XYLT1: variants seen among roughly 807,000 people sequenced by gnomAD.
The protein encoded by XYLT1 is xylosyltransferase 1.
In XYLT1, 36 loss-of-function variants were observed where a neutral mutation model predicts 91.3. That is an observed-to-expected ratio of 0.39 (90% CI 0.30 to 0.52). The LOEUF (loss-of-function observed/expected upper bound fraction) is 0.52, where lower values mean the gene tolerates loss of function less well. Ranked by LOEUF, XYLT1 falls within the 20% of genes least tolerant of loss-of-function variation. XYLT1 has a pLI of 0.68. For synonymous variants in XYLT1, 588 were observed against 532.0 expected (o/e 1.11, Z -1.45); for missense variants, 1,242 against 1,284.5 (o/e 0.97, Z 0.51).
intron 2 of XYLT1, among the ~76,000 whole-genome samples, chr16:17,286,028 G>C (rs751292024): frequency 6.6e-6 from 1 of 152,010 alleles, no homozygotes; most frequent in Non-Finnish European, 1.5e-5. Context: ...AACACAATGG[G>C]GGTCTGGGCC....
intron 3 of XYLT1, among the ~76,000 whole-genome samples, chr16:17,202,563 G>C (rs1734424238): frequency 6.6e-6 from 1 of 151,964 alleles, no homozygotes; most frequent in Admixed American, 6.6e-5. Flanking sequence ...GATCTGGAAC[G>C]CCCTCTCCCC....
chr16:17,398,819 C>CA (rs1555454012), intron 1 of XYLT1, among the ~76,000 whole-genome samples: 2 of 17,936 alleles, frequency 1.1e-4, no homozygotes, highest in Admixed American at 1.3e-3. Context: ...AATGTCCCCG[C>CA]CCCCCCCCAC....
At chr16:17,307,487 G>C (rs2034486219) in intron 2 of XYLT1, among the ~76,000 whole-genome samples, 1 of 152,176 alleles carries the variant, frequency 6.6e-6, no homozygotes, top group Non-Finnish European at 1.5e-5. Flanking sequence ...GCAGTGAAAT[G>C]ATTTAAATCA....
chr16:17,367,587 G>A (rs914024951), intron 1 of XYLT1, among the ~76,000 whole-genome samples: 3 of 152,234 alleles, frequency 2.0e-5, no homozygotes, highest in Non-Finnish European at 4.4e-5. Context: ...ACTGCTGGGT[G>A]AGATCTCTGT....
At chr16:17,299,491 A>G (rs991375243) in intron 2 of XYLT1, among the ~76,000 whole-genome samples, 3 of 152,226 alleles carry the variant, frequency 2.0e-5, no homozygotes, top group African/African-American at 7.2e-5. Flanking sequence ...TACTCAGATG[A>G]TATTAATAGT....
intron 11 of XYLT1, among the ~76,000 whole-genome samples, chr16:17,112,383 G>A (rs1341805365): frequency 2.0e-5 from 3 of 146,614 alleles, no homozygotes; most frequent in Non-Finnish European, 4.5e-5. Context: ...CTCTCGGTGG[G>A]GGTAAAATGA....
intron 1 of XYLT1, among the ~76,000 whole-genome samples, chr16:17,425,046 G>C (rs553884455): frequency 1.3e-5 from 2 of 152,238 alleles, no homozygotes; most frequent in East Asian, 1.9e-4. Context: ...AGCCTCATTA[G>C]GGTTTGGCCA....
At chr16:17,197,812 G>T (rs1203752308) in intron 5 of XYLT1, among the ~76,000 whole-genome samples, 1 of 152,162 alleles carries the variant, frequency 6.6e-6, no homozygotes, top group Non-Finnish European at 1.5e-5. Context: ...TGGCTTCCTT[G>T]CTCCTCAGCT....
intron 1 of XYLT1, among the ~76,000 whole-genome samples, chr16:17,361,263 T>C (rs995339102): frequency 1.3e-5 from 2 of 152,138 alleles, no homozygotes; most frequent in African/African-American, 4.8e-5. Flanking sequence ...CCAAGGAGGA[T>C]GCCAGACACG....
chr16:17,291,814 G>A (rs535866008), intron 2 of XYLT1, among the ~76,000 whole-genome samples: 1 of 152,286 alleles, frequency 6.6e-6, no homozygotes, highest in African/African-American at 2.4e-5. Context: ...AAAAGACACT[G>A]TTCCACTGAC....
At chr16:17,327,826 T>G (rs2034836151) in intron 2 of XYLT1, among the ~76,000 whole-genome samples, 2 of 152,194 alleles carry the variant, frequency 1.3e-5, no homozygotes, top group African/African-American at 4.8e-5. Flanking sequence ...TCAGTCAACC[T>G]TTTCTGTGCT....
At chr16:17,376,293 G>T (rs534982481) in intron 1 of XYLT1, among the ~76,000 whole-genome samples, 5 of 152,310 alleles carry the variant, frequency 3.3e-5, no homozygotes, top group Admixed American at 1.3e-4. Context: ...CAGGTCAGCT[G>T]ATCCTTTATC....
At chr16:17,393,739 C>A (rs899547227) in intron 1 of XYLT1, among the ~76,000 whole-genome samples, 1 of 151,608 alleles carries the variant, frequency 6.6e-6, no homozygotes, top group Non-Finnish European at 1.5e-5. Flanking sequence ...CATAGGGAGA[C>A]CCCATCTCAA....
intron 2 of XYLT1, among the ~76,000 whole-genome samples, chr16:17,350,656 C>G (rs184587876): frequency 2.8e-4 from 43 of 152,316 alleles, no homozygotes; most frequent in Admixed American, 4.6e-4. Context: ...AACATATGGG[C>G]TGAGAAGCAA....
At chr16:17,351,234 G>A (rs1289001692) in intron 2 of XYLT1, among the ~76,000 whole-genome samples, 1 of 152,054 alleles carries the variant, frequency 6.6e-6, no homozygotes, top group Admixed American at 6.5e-5. Flanking sequence ...TAAATGTGTC[G>A]GCCAGGCATG....
intron 1 of XYLT1, among the ~76,000 whole-genome samples, chr16:17,401,015 C>T (rs932798026): frequency 6.8e-6 from 1 of 147,098 alleles, no homozygotes; most frequent in Non-Finnish European, 1.5e-5. Flanking sequence ...CACACACACA[C>T]CTGTCTACAA....
At chr16:17,221,516 G>A (rs976880492) in intron 3 of XYLT1, among the ~76,000 whole-genome samples, 6 of 152,112 alleles carry the variant, frequency 3.9e-5, no homozygotes, top group African/African-American at 1.2e-4. Flanking sequence ...TGGCCAAGCT[G>A]GGATCTGAAC....
chr16:17,159,949 G>C (rs1307265763), intron 5 of XYLT1, among the ~76,000 whole-genome samples: 1 of 152,184 alleles, frequency 6.6e-6, no homozygotes, highest in African/African-American at 2.4e-5. Context: ...TCTCTGCTTC[G>C]GAATTTTTAC....
intron 1 of XYLT1, among the ~76,000 whole-genome samples, chr16:17,372,310 TCTTTTC>T: frequency 1.3e-5 from 2 of 152,250 alleles, no homozygotes; most frequent in Admixed American, 1.3e-4. Flanking sequence ...AGTGCACTAA[TCTTTTC>T]AATCTTTTCA....
Sources: allele counts gnomAD v4.1 joint callset (sites outside exome capture counted in the v4.1 genomes callset), GRCh38; gene constraint gnomAD v4.1.1; transcripts MANE v1.5; gene names NCBI Gene and HGNC (gene_info 2026-07-23, HGNC 2026-07-21).